Variants in AGAP3 observed in about 807,000 individuals in gnomAD.
AGAP3 encodes ArfGAP with GTPase domain, ankyrin repeat and PH domain 3, also known as arf-GAP with GTPase, ANK repeat and PH domain-containing protein 3.
In AGAP3, 24 loss-of-function variants were observed where a neutral mutation model predicts 96.9. The observed-to-expected ratio is 0.25, with a 90% CI of 0.18 to 0.35. The LOEUF (loss-of-function observed/expected upper bound fraction) is 0.35, where lower values mean the gene tolerates loss of function less well. Among genes scored for constraint, AGAP3 ranks in the 10% least tolerant of loss-of-function variants. The pLI is 1.00. For missense variants in AGAP3, 876 were observed against 1,254.2 expected, an observed-to-expected ratio of 0.70 and a Z score of 4.55; for synonymous variants, 563 against 536.1, an observed-to-expected ratio of 1.05 and a Z score of -0.69.
At chr7:151,089,073 T>TC in intron 1 of AGAP3, among the ~76,000 whole-genome samples, 1 of 146,584 alleles carries the variant, frequency 6.8e-6, no homozygotes. Flanking sequence ...TGTCCCTCCC[T>TC]CCCCCCTGCC....
chr7:151,112,543 C>T (rs1001735328), intron 1 of AGAP3, among the ~76,000 whole-genome samples: 2 of 151,958 alleles, frequency 1.3e-5, no homozygotes, highest in East Asian at 3.9e-4. Context: ...TGTCGGATAC[C>T]GTGTCCCCAT....
At position 151,123,818 on chromosome 7, in the gene AGAP3, C is replaced by T. The variant is rs376338542; in HGVS notation, c.1153C>T (p.Arg385Trp). ...FTSRKGADLDREKKAAECKVD... is the reference protein window; with the variant it reads ...FTSRKGADLDWEKKAAECKVD... Reference sequence around the variant, plus strand: ...GTCTCGGAAGGGTGCTGACCTGGACCGGGAGAAGAAGGCTGCCGAGTGCAA... The same window carrying T: ...GTCTCGGAAGGGTGCTGACCTGGACTGGGAGAAGAAGGCTGCCGAGTGCAA... Residue 385 changes from arginine (R) to tryptophan (W), a missense_variant, in exon 9 of 18, where the codon CGG becomes TGG. This residue lies in a region of AGAP3 where 49 missense variants were observed against 41.7 expected (regional missense o/e 1.17). Coordinates refer to ENST00000397238, the MANE Select transcript of AGAP3 (RefSeq NM_031946.7). 1 of 1,612,898 alleles carries T rather than the reference C, an allele frequency of 6.2e-7. No individual in the cohort carries two copies. The highest frequency in any genetic ancestry group is 8.5e-7 in the Non-Finnish European group (1 of 1,179,948).
Position 151,118,607 on chromosome 7 carries a change from C to T in AGAP3, c.944C>T (p.Ser315Phe), listed in dbSNP as rs1312038859. The change falls in exon 7 of 18, where the codon TCC (serine) becomes TTC (phenylalanine). Residue 315 changes from serine (S) to phenylalanine (F), a missense_variant. Transcript: ENST00000397238. The surrounding 1 kb of genome is among the most constrained non-coding windows in gnomAD (Gnocchi z 6.1). ...AGCCACTCGGCCGTGTCCGCCGCCT[C>T]CATCCCGGCCGTGCACATCAACCAG... ...SPSHSAVSAA[S>F]IPAVHINQAT... 1.2e-6 allele frequency: 2 copies of T among 1,613,638 alleles called. No homozygotes were observed. The highest frequency in any genetic ancestry group is 1.7e-6 in the Non-Finnish European group (2 of 1,180,010).
At chr7:151,107,318 A>G (rs10267434) in intron 1 of AGAP3, among the ~76,000 whole-genome samples, 48 of 125,584 alleles carry the variant, frequency 3.8e-4, no homozygotes, top group African/African-American at 2.0e-3. Flanking sequence ...CTCAAAAAAA[A>G]AAAAAAAAAG....
In AGAP3 at chr7:151,134,489, T is replaced by G; in HGVS notation, c.1416T>G (p.Pro472=). ...VPGKRLPRAT[P]ATAPGTSPRA... is the part of the protein sequence containing the mutation. Reference sequence around the variant, plus strand: ...GGAAGCGCCTGCCCCGAGCCACACCTGCCACAGCCCCGGGCACCAGCCCCC... The same window carrying G: ...GGAAGCGCCTGCCCCGAGCCACACCGGCCACAGCCCCGGGCACCAGCCCCC... Residue 472 remains proline (P), a synonymous_variant, in exon 11 of 18, where the codon CCT becomes CCG. Transcript: ENST00000397238. 6.2e-7 allele frequency: 1 copy of G among 1,613,278 alleles called. No homozygotes were observed. Among genetic ancestry groups the G allele is most frequent in the South Asian group, 1.1e-5 (1 of 91,068 alleles).
rs1270848893 is a variant in AGAP3, at chr7:151,086,774, G to T, written c.33G>T (p.Pro11=). The change falls in exon 1 of 18, where the codon CCG becomes CCT. Residue 11 remains proline, a synonymous_variant. Transcript: ENST00000397238. Reference sequence around the variant, plus strand: ...TCCAGGCGGGCGGGGGGCAGAGCCCGCAGCAGCAGCAGAGCCTGGCGGCTC... The same window carrying T: ...TCCAGGCGGGCGGGGGGCAGAGCCCTCAGCAGCAGCAGAGCCTGGCGGCTC... MNFQAGGGQS[P]QQQQSLAAPG... 4.2e-6 allele frequency: 4 copies of T among 963,586 alleles called. No homozygotes were observed. Among genetic ancestry groups the T allele is most frequent in the Non-Finnish European group, 4.9e-6 (4 of 813,704 alleles). 59.7% of individuals were successfully genotyped at this position (963,586 alleles called of 1,614,324 possible).
chr7:151,127,835 C>T (rs1800241214), intron 9 of AGAP3, among the ~76,000 whole-genome samples: 1 of 152,216 alleles, frequency 6.6e-6, no homozygotes, highest in Non-Finnish European at 1.5e-5. Context: ...CGTCATCTGA[C>T]AGCCAGGGTT....
intron 9 of AGAP3, among the ~76,000 whole-genome samples, chr7:151,125,776 A>G (rs1034947449): frequency 6.6e-6 from 1 of 152,070 alleles, no homozygotes; most frequent in African/African-American, 2.4e-5. Flanking sequence ...TGGAGATTGC[A>G]TTTCAGTTGC....
At chr7:151,092,108 C>T (rs1268632805) in intron 1 of AGAP3, among the ~76,000 whole-genome samples, 2 of 152,166 alleles carry the variant, frequency 1.3e-5, no homozygotes, top group East Asian at 3.8e-4. Context: ...GGAGTTGGTG[C>T]GTCATTCTGC....
intron 1 of AGAP3, among the ~76,000 whole-genome samples, chr7:151,113,040 T>G (rs971471477): frequency 2.6e-5 from 4 of 152,188 alleles, no homozygotes; most frequent in Non-Finnish European, 5.9e-5. Flanking sequence ...GACCCTTTGC[T>G]TGCATTTTCA....
At chr7:151,125,284 G>A (rs1445511813) in intron 9 of AGAP3, among the ~76,000 whole-genome samples, 1 of 152,212 alleles carries the variant, frequency 6.6e-6, no homozygotes, top group African/African-American at 2.4e-5. Flanking sequence ...GGTCCTACGT[G>A]CTCCCTTTCC....
chr7:151,096,378 C>T lies in AGAP3; in HGVS notation c.331+9306C>T, dbSNP rs1798604421. 1.4e-5 allele frequency among the ~76,000 whole-genome samples: 2 copies of T among 139,304 alleles called. No homozygotes were observed. The highest frequency in any genetic ancestry group is 4.6e-4 in the South Asian group (2 of 4,348). The allele number at this position is 139,304 out of a possible 152,430, so 91.4% of individuals were successfully genotyped here. ...GGGCCTGCACGTTCCCGTGAACACC[C>T]AGGGTCATCTTTGATGTTTTGCCTG... is the stretch of plus-strand genomic sequence containing the variant. On this transcript the variant is annotated intron_variant, in intron 1 of 17. Transcript: ENST00000397238. This position sits in a 1 kb window ranked among gnomAD's most constrained non-coding sequence, Gnocchi z 4.4.
At chr7:151,109,165 TAAAAAA>T (rs112464213) in intron 1 of AGAP3, among the ~76,000 whole-genome samples, 2,685 of 136,286 alleles carry the variant, frequency 0.02, 58 homozygotes, top group African/African-American at 0.051. Context: ...CCCACCTCTG[TAAAAAA>T]AAAAAAAAAC....
intron 12 of AGAP3, 31 bp downstream of exon 12, chr7:151,138,344 T>TA (rs1213894121): frequency 7.0e-6 from 11 of 1,581,792 alleles, no homozygotes; most frequent in African/African-American, 1.3e-5. Context: ...TTCCCACCTT[T>TA]TCTGGGGCCC....
Position 151,143,512 on chromosome 7 carries a change from G to T in AGAP3, c.2445G>T (p.Glu815Asp). Residue 815 changes from glutamate (E) to aspartate (D), a missense_variant, in exon 17 of 18, where the codon GAG (glutamate) becomes GAT (aspartate). This residue lies in a region of AGAP3 where 213 missense variants were observed against 253.8 expected (regional missense o/e 0.84). Transcript: ENST00000397238. This position sits in a 1 kb window ranked among gnomAD's most constrained non-coding sequence, Gnocchi z 5.9. The stretch of plus-strand genomic sequence containing the variant: ...ATGGCTCCAAAGAGGAGGTGAATGA[G>T]ACCTATGGGGACGGGGACGGGCGGA... ...LAHGSKEEVN[E>D]TYGDGDGRTA... 1 of 1,614,240 alleles carries T rather than the reference G, an allele frequency of 6.2e-7. No homozygotes were observed. Among genetic ancestry groups the T allele is most frequent in the Middle Eastern group, 1.6e-4 (1 of 6,062 alleles).
intron 1 of AGAP3, among the ~76,000 whole-genome samples, chr7:151,110,056 C>T (rs1310068738): frequency 6.6e-6 from 1 of 152,222 alleles, no homozygotes; most frequent in Non-Finnish European, 1.5e-5. Flanking sequence ...AACTTGAATC[C>T]AGCTTTCTCA....
chr7:151,144,286 A>G lies in AGAP3; in HGVS notation c.*343A>G. On this transcript the variant is annotated 3_prime_UTR_variant, in exon 18 of 18. Transcript: ENST00000397238. ...CACGCCTTCATCCTGAAACAGGAAG[A>G]GGACGGCACCAAGTTGGGGGTGCTG... 1 of 329,974 alleles carries G rather than the reference A, an allele frequency of 3.0e-6. No homozygotes were observed. Among genetic ancestry groups the G allele is most frequent in the Non-Finnish European group, 5.6e-6 (1 of 178,088 alleles). 20.4% of individuals were successfully genotyped at this position (329,974 alleles called of 1,614,324 possible). A position where few individuals can be genotyped will look rare whatever the true frequency, so the allele number is the denominator to read the frequency against.
At chr7:151,122,220 C>T (rs1248106211) in intron 8 of AGAP3, among the ~76,000 whole-genome samples, 8 of 152,200 alleles carry the variant, frequency 5.3e-5, no homozygotes, top group South Asian at 2.1e-4. Flanking sequence ...AGGGCTGTGG[C>T]GGTCTGGGCC....
At chr7:151,105,045 G>A (rs182790744) in intron 1 of AGAP3, among the ~76,000 whole-genome samples, 1 of 152,198 alleles carries the variant, frequency 6.6e-6, no homozygotes, top group African/African-American at 2.4e-5. Context: ...TAAGGAGAGG[G>A]AAGAGGGCAT....
Sources: allele counts gnomAD v4.1 joint callset (sites outside exome capture counted in the v4.1 genomes callset), GRCh38; gene constraint gnomAD v4.1.1; regional missense constraint gnomAD v4.1.1; non-coding constraint Gnocchi (gnomAD v3.1); transcripts MANE v1.5; gene names NCBI Gene and HGNC (gene_info 2026-07-23, HGNC 2026-07-21).